Variants in ADGRB3 observed in about 807,000 individuals in gnomAD.
ADGRB3 encodes the protein brain-specific angiogenesis inhibitor 3.
Under a neutral mutation model 193.4 loss-of-function variants are expected in ADGRB3, and 37 were observed. That is an observed-to-expected ratio of 0.19 (90% CI 0.15 to 0.25). The LOEUF (loss-of-function observed/expected upper bound fraction) is 0.25, where lower values mean the gene tolerates loss of function less well. ADGRB3 is among the 10% of genes least tolerant of loss of function. The pLI is 1.00. For synonymous variants in ADGRB3, 690 were observed against 644.2 expected, an observed-to-expected ratio of 1.07 and a Z score of -1.08; for missense variants, 1,637 against 1,852.9, an observed-to-expected ratio of 0.88 and a Z score of 2.14.
chr6:68,735,368 T>C (rs1765851353), intron 3 of ADGRB3, among the ~76,000 whole-genome samples: 1 of 151,896 alleles, frequency 6.6e-6, no homozygotes. Context: ...GAGAATAAAG[T>C]GATGATACAA....
chr6:68,888,807 T>G (rs1765987603), intron 3 of ADGRB3, among the ~76,000 whole-genome samples: 1 of 152,144 alleles, frequency 6.6e-6, no homozygotes, highest in Admixed American at 6.5e-5. Context: ...GTTAAGAGTA[T>G]TAAAGGCAGA....
At chr6:68,792,237 T>C (rs375908915) in intron 3 of ADGRB3, among the ~76,000 whole-genome samples, 4 of 152,304 alleles carry the variant, frequency 2.6e-5, no homozygotes, top group African/African-American at 9.6e-5. Context: ...TATAGACATC[T>C]TTAATGGTCA....
At chr6:69,076,842 C>T (rs892039128) in intron 17 of ADGRB3, among the ~76,000 whole-genome samples, 20 of 152,036 alleles carry the variant, frequency 1.3e-4, no homozygotes, top group African/African-American at 4.6e-4. Context: ...AGATGAAGCA[C>T]CATATTGTTG....
chr6:68,878,458 A>G lies in ADGRB3; in HGVS notation c.758-52101A>G, dbSNP rs373815827. 5.9e-5 allele frequency among the ~76,000 whole-genome samples: 9 copies of G among 152,298 alleles called. No homozygotes were observed. In the East Asian group the frequency reaches 1.3e-3, roughly 23 times the overall value. Reference sequence around the variant, plus strand: ...AAATTAATACCTAGTTATCATTTAAATAATTTATATTTTAGACAGGATCCA... The same window carrying G: ...AAATTAATACCTAGTTATCATTTAAGTAATTTATATTTTAGACAGGATCCA... On this transcript the variant is annotated intron_variant, in intron 3 of 31. Transcript: ENST00000370598.
intron 17 of ADGRB3, among the ~76,000 whole-genome samples, chr6:69,173,990 G>GT (rs2150348942): frequency 6.6e-6 from 1 of 152,226 alleles, no homozygotes; most frequent in South Asian, 2.1e-4. Flanking sequence ...TAAGATGAAC[G>GT]TTTGAAGAAA....
Position 68,832,203 on chromosome 6 carries a change from A to G in ADGRB3, c.758-98356A>G, listed in dbSNP as rs996997709. On this transcript the variant is annotated intron_variant, in intron 3 of 31. Coordinates refer to ENST00000370598, the MANE Select transcript of ADGRB3 (RefSeq NM_001704.3). ...GACATAAACATACTTGTGTAGAAAGACATTCAGAAAGTATTATTAAATAAT... is the reference window on the plus strand; with the variant it reads ...GACATAAACATACTTGTGTAGAAAGGCATTCAGAAAGTATTATTAAATAAT... Among the ~76,000 whole-genome samples, 6 of 152,290 alleles carry G rather than the reference A, an allele frequency of 3.9e-5. No homozygotes were observed. In the East Asian group the frequency reaches 1.2e-3, roughly 29 times the overall value.
chr6:68,901,715 A>G (rs1766398179), intron 3 of ADGRB3, among the ~76,000 whole-genome samples: 1 of 152,218 alleles, frequency 6.6e-6, no homozygotes, highest in Non-Finnish European at 1.5e-5. Flanking sequence ...AAATAGCTAT[A>G]TATACTACAT....
chr6:69,073,624 T>A (rs72917470), intron 16 of ADGRB3, among the ~76,000 whole-genome samples: 23,542 of 151,998 alleles, frequency 0.15, 2,434 homozygotes, highest in Non-Finnish European at 0.22. Flanking sequence ...CCCCTGCAAA[T>A]GTTGTGAACC....
intron 20 of ADGRB3, among the ~76,000 whole-genome samples, chr6:69,306,856 G>A (rs1768076300): frequency 6.6e-6 from 1 of 151,346 alleles, no homozygotes; most frequent in Admixed American, 6.6e-5. Flanking sequence ...AACATGAAAA[G>A]GTGTATCACA....
intron 3 of ADGRB3, among the ~76,000 whole-genome samples, chr6:68,641,521 G>T (rs1768082009): frequency 2.0e-5 from 3 of 152,180 alleles, no homozygotes; most frequent in African/African-American, 4.8e-5. Context: ...GCAGTATGAT[G>T]TTAATAGAGT....
intron 3 of ADGRB3, among the ~76,000 whole-genome samples, chr6:68,881,604 C>A (rs1244691494): frequency 6.6e-6 from 1 of 152,076 alleles, no homozygotes; most frequent in African/African-American, 2.4e-5. Flanking sequence ...AAAAGCCAAC[C>A]ATTCAAGCCA....
chr6:68,730,193 A>G (rs1765746552), intron 3 of ADGRB3, among the ~76,000 whole-genome samples: 1 of 151,676 alleles, frequency 6.6e-6, no homozygotes, highest in Non-Finnish European at 1.5e-5. Context: ...ATTAATATTT[A>G]AATTTTAGTG....
chr6:68,680,015 G>C (rs1452130109), intron 3 of ADGRB3, among the ~76,000 whole-genome samples: 5 of 152,122 alleles, frequency 3.3e-5, no homozygotes, highest in African/African-American at 1.2e-4. Context: ...CCTTACAAAA[G>C]TGGACTGAGA....
At chr6:68,839,109 C>CACACACACAT (rs762465422) in intron 3 of ADGRB3, among the ~76,000 whole-genome samples, 6 of 135,160 alleles carry the variant, frequency 4.4e-5, no homozygotes, top group African/African-American at 1.4e-4. Flanking sequence ...CACACACACA[C>CACACACACAT]ATTCCCACAT....
intron 10 of ADGRB3, among the ~76,000 whole-genome samples, chr6:68,980,788 T>A (rs1443698265): frequency 6.6e-6 from 1 of 151,382 alleles, no homozygotes; most frequent in Non-Finnish European, 1.5e-5. Flanking sequence ...AGTTACCTGT[T>A]CTGCAAATTC....
At chr6:69,008,855 G>C (rs897995717) in intron 11 of ADGRB3, among the ~76,000 whole-genome samples, 4 of 151,984 alleles carry the variant, frequency 2.6e-5, no homozygotes, top group African/African-American at 9.7e-5. Context: ...AGAAGAGTTC[G>C]ATCCCATATT....
At chr6:69,211,382 A>C (rs1232316782) in intron 17 of ADGRB3, among the ~76,000 whole-genome samples, 1 of 152,138 alleles carries the variant, frequency 6.6e-6, no homozygotes, top group Non-Finnish European at 1.5e-5. Context: ...ATTGTAGATG[A>C]AAGACAATAA....
chr6:68,970,575 G>A (rs1768531590), intron 8 of ADGRB3, among the ~76,000 whole-genome samples: 2 of 152,078 alleles, frequency 1.3e-5, no homozygotes, highest in Non-Finnish European at 2.9e-5. Flanking sequence ...CAAAGTGCTG[G>A]GATTACAGGC....
intron 10 of ADGRB3, among the ~76,000 whole-genome samples, chr6:68,977,725 A>G (rs1768789091): frequency 6.6e-6 from 1 of 152,140 alleles, no homozygotes; most frequent in Admixed American, 6.6e-5. Context: ...TTCGGCTCCT[A>G]CATAGTACTA....
Sources: gnomAD v4.1 joint callset for allele counts (sites outside exome capture counted in the v4.1 genomes callset) on GRCh38, gnomAD v4.1.1 for gene constraint, MANE v1.5 for transcripts, NCBI Gene and HGNC (gene_info 2026-07-23, HGNC 2026-07-21) for gene names.